The following SAMD4A variants were observed in gnomAD, a reference collection of about 807,000 sequenced individuals.
SAMD4A encodes protein Smaug homolog 1.
In SAMD4A, 33 loss-of-function variants were observed where a neutral mutation model predicts 81.3. That is an observed-to-expected ratio of 0.41 (90% CI 0.31 to 0.54). The LOEUF (loss-of-function observed/expected upper bound fraction) is 0.54, where lower values mean the gene tolerates loss of function less well. Ranked by LOEUF, SAMD4A falls within the 20% of genes least tolerant of loss-of-function variation. SAMD4A has a pLI of 0.37. For synonymous variants in SAMD4A, 389 were observed against 382.1 expected (o/e 1.02, Z -0.21); for missense variants, 854 against 951.1 (o/e 0.90, Z 1.34).
At chr14:54,713,591 A>G (rs1235713123) in intron 3 of SAMD4A, among the ~76,000 whole-genome samples, 1 of 152,228 alleles carries the variant, frequency 6.6e-6, no homozygotes, top group Admixed American at 6.5e-5. Flanking sequence ...CTAGACAGTG[A>G]AGCCAATGGG....
chr14:54,566,265 G>A (rs1476101850), upstream of SAMD4A, among the ~76,000 whole-genome samples: 1 of 151,186 alleles, frequency 6.6e-6, no homozygotes, highest in Admixed American at 6.6e-5. Context: ...CCGCGGCCCC[G>A]GACCCGCGCA....
At chr14:54,696,322 T>G (rs374643836) in intron 2 of SAMD4A, among the ~76,000 whole-genome samples, 10 of 152,322 alleles carry the variant, frequency 6.6e-5, no homozygotes, top group African/African-American at 2.4e-4. Flanking sequence ...TTGTGCAGAG[T>G]TGCACTATAT....
chr14:54,700,193 T>C (rs945513022), intron 2 of SAMD4A, among the ~76,000 whole-genome samples: 2 of 152,200 alleles, frequency 1.3e-5, no homozygotes, highest in Non-Finnish European at 2.9e-5. Flanking sequence ...CATCAAGTAC[T>C]TGACCAGCCC....
intron 3 of SAMD4A, among the ~76,000 whole-genome samples, chr14:54,721,866 T>A (rs959594500): frequency 1.4e-4 from 22 of 152,178 alleles, no homozygotes; most frequent in Admixed American, 2.6e-4. Context: ...TAAATAACTA[T>A]CTCTAGGGCC....
At position 54,752,330 on chromosome 14, in the gene SAMD4A, T is replaced by C. The variant is rs534298402; in HGVS notation, c.1176+793T>C. Among the ~76,000 whole-genome samples, 3 of 152,234 alleles carry C rather than the reference T, an allele frequency of 2.0e-5. No individual in the cohort carries two copies. The South Asian group carries it at 6.2e-4, about 32-fold the overall frequency. On this transcript the variant is annotated intron_variant, in intron 6 of 12. Transcript: ENST00000554335. Reference sequence around the variant, plus strand: ...GGGCAGGCCTCATGCCTCACACAAGTGTGAACCAGCATTGCTTCTGCCTCA... The same window carrying C: ...GGGCAGGCCTCATGCCTCACACAAGCGTGAACCAGCATTGCTTCTGCCTCA...
intron 2 of SAMD4A, among the ~76,000 whole-genome samples, chr14:54,626,074 G>T (rs559418740): frequency 1.8e-5 from 2 of 110,538 alleles, no homozygotes; most frequent in African/African-American, 7.6e-5. Context: ...GCGCGCGCGC[G>T]CGAGTGCGCA....
chr14:54,657,991 C>T (rs1020389081), intron 2 of SAMD4A, among the ~76,000 whole-genome samples: 3 of 152,118 alleles, frequency 2.0e-5, no homozygotes, highest in African/African-American at 7.2e-5. Flanking sequence ...TTGAACTCCA[C>T]GAAGTAGATG....
rs149069176 is a variant in SAMD4A at position 54,709,226 on chromosome 14, G to A, written c.715+6646G>A. Among the ~76,000 whole-genome samples the A allele has an allele frequency of 4.6e-5, 7 of 151,340 alleles. No homozygotes were observed. In the East Asian group the frequency reaches 7.8e-4, roughly 17 times the overall value. On this transcript the variant is annotated intron_variant, in intron 3 of 12. Transcript: ENST00000554335. ...TGGGAGGTAGAGGTTGCAGTGACCC[G>A]AGATCACACCACTGCACTTCAGTCT...
At chr14:54,619,094 G>T (rs1443506526) in intron 2 of SAMD4A, among the ~76,000 whole-genome samples, 7 of 152,154 alleles carry the variant, frequency 4.6e-5, no homozygotes, top group Non-Finnish European at 7.4e-5. Context: ...GCCATCAAAT[G>T]CATTCTTAAC....
At position 54,789,092 on chromosome 14, in the gene SAMD4A, C is replaced by T. The variant is rs975831471; in HGVS notation, c.*148C>T. 1.3e-5 allele frequency: 11 copies of T among 817,550 alleles called. No homozygotes were observed. Among genetic ancestry groups the T allele is most frequent in the African/African-American group, 1.0e-4 (6 of 58,964 alleles). The allele number at this position is 817,550 out of a possible 1,614,324, so 50.6% of individuals were successfully genotyped here. A position where few individuals can be genotyped will look rare whatever the true frequency, so the allele number is the denominator to read the frequency against. Reference sequence around the variant, plus strand: ...CTCTCCCGTTTTGATTTTGTGAGAGCGTAGGTCATCCTCGTAAACATATCA... The same window carrying T: ...CTCTCCCGTTTTGATTTTGTGAGAGTGTAGGTCATCCTCGTAAACATATCA... On this transcript the variant is annotated 3_prime_UTR_variant, in exon 13 of 13. Coordinates refer to ENST00000554335, the MANE Select transcript of SAMD4A (RefSeq NM_015589.6).
At chr14:54,776,855 A>AGTGTGT (rs34095224) in intron 11 of SAMD4A, among the ~76,000 whole-genome samples, 43 of 149,968 alleles carry the variant, frequency 2.9e-4, no homozygotes, top group East Asian at 5.9e-4. Context: ...CTCCATGTGT[A>AGTGTGT]GTGTGTGTGT....
intron 2 of SAMD4A, among the ~76,000 whole-genome samples, chr14:54,602,663 G>A (rs2034088161): frequency 6.6e-6 from 1 of 151,564 alleles, no homozygotes; most frequent in African/African-American, 2.4e-5. Context: ...GGGGGGAGTG[G>A]GGAGGGATAG....
At chr14:54,724,290 T>C (rs1346205652) in intron 3 of SAMD4A, among the ~76,000 whole-genome samples, 1 of 152,158 alleles carries the variant, frequency 6.6e-6, no homozygotes, top group Non-Finnish European at 1.5e-5. Context: ...GGCTTGCAAG[T>C]GAGAGAACCT....
At chr14:54,683,030 C>G (rs1445297787) in intron 2 of SAMD4A, among the ~76,000 whole-genome samples, 1 of 152,150 alleles carries the variant, frequency 6.6e-6, no homozygotes, top group East Asian at 1.9e-4. Context: ...GCTGAGTGCC[C>G]CAAGGGTACC....
intron 2 of SAMD4A, among the ~76,000 whole-genome samples, chr14:54,593,161 A>G (rs1018978501): frequency 3.3e-5 from 5 of 152,202 alleles, no homozygotes; most frequent in African/African-American, 4.8e-5. Context: ...TGGATAATAT[A>G]TATGTTATTT....
At chr14:54,741,258 G>C (rs1050239108) in intron 4 of SAMD4A, among the ~76,000 whole-genome samples, 14 of 152,202 alleles carry the variant, frequency 9.2e-5, no homozygotes, top group African/African-American at 3.4e-4. Context: ...AAGAAAAAGA[G>C]AGAGAGAAAA....
chr14:54,569,580 C>T (rs145105793), intron 2 of SAMD4A, among the ~76,000 whole-genome samples: 10 of 152,334 alleles, frequency 6.6e-5, no homozygotes. Flanking sequence ...GCTGGAGGGC[C>T]AGCCTCCTTC....
At chr14:54,636,379 A>G (rs1477674788) in intron 2 of SAMD4A, among the ~76,000 whole-genome samples, 1 of 152,186 alleles carries the variant, frequency 6.6e-6, no homozygotes, top group Non-Finnish European at 1.5e-5. Context: ...ACTGGGAATC[A>G]TGCAGGGCCT....
At chr14:54,688,710 C>A (rs192232111) in intron 2 of SAMD4A, among the ~76,000 whole-genome samples, 1 of 152,166 alleles carries the variant, frequency 6.6e-6, no homozygotes, top group East Asian at 1.9e-4. Flanking sequence ...TAGGTCCTTG[C>A]CACTCTTTCA....
Sources: allele counts gnomAD v4.1 joint callset (sites outside exome capture counted in the v4.1 genomes callset), GRCh38; gene constraint gnomAD v4.1.1; transcripts MANE v1.5; gene names NCBI Gene and HGNC (gene_info 2026-07-23, HGNC 2026-07-21).